MCC: variants seen among roughly 807,000 people sequenced by gnomAD.
MCC encodes MCC regulator of Wnt signaling pathway.
A neutral mutation model predicts 116.2 loss-of-function variants in MCC; 90 were observed. The observed-to-expected ratio is 0.77, with a 90% CI of 0.65 to 0.92. The LOEUF (loss-of-function observed/expected upper bound fraction) is 0.92. MCC is among the 40% of genes least tolerant of loss of function. The pLI is 0.00. For missense variants in MCC, 1,516 were observed against 1,312.2 expected (o/e 1.16, Z -2.40); for synonymous variants, 578 against 510.5 (o/e 1.13, Z -1.78).
intron 1 of MCC, among the ~76,000 whole-genome samples, chr5:113,463,193 A>C (rs2150426521): frequency 6.6e-6 from 1 of 152,236 alleles, no homozygotes; most frequent in Admixed American, 6.5e-5. Flanking sequence ...TAGAGGAGAG[A>C]GGGCAAGATG....
At chr5:113,345,101 AG>A (rs1768101011) in intron 2 of MCC, among the ~76,000 whole-genome samples, 1 of 152,092 alleles carries the variant, frequency 6.6e-6, no homozygotes, top group Non-Finnish European at 1.5e-5. Context: ...TTGCACTTTA[AG>A]GGAACATTGA....
At chr5:113,088,096 A>G (rs1755331617) in intron 8 of MCC, among the ~76,000 whole-genome samples, 1 of 152,220 alleles carries the variant, frequency 6.6e-6, no homozygotes, top group Admixed American at 6.5e-5. Flanking sequence ...AATGTCTTTA[A>G]AAACTAAAGA....
chr5:113,084,639 A>G (rs1431469556), intron 9 of MCC, among the ~76,000 whole-genome samples: 2 of 152,272 alleles, frequency 1.3e-5, no homozygotes, highest in Admixed American at 6.5e-5. Context: ...GCAAGCCAAC[A>G]GGCATAATTT....
intron 8 of MCC, among the ~76,000 whole-genome samples, chr5:113,097,350 CAAT>C (rs1370757603): frequency 1.3e-5 from 2 of 152,160 alleles, no homozygotes; most frequent in African/African-American, 4.8e-5. Flanking sequence ...AAAAATTATA[CAAT>C]GATATGAATA....
At chr5:113,088,334 G>T (rs762849660) in intron 8 of MCC, among the ~76,000 whole-genome samples, 3 of 151,902 alleles carry the variant, frequency 2.0e-5, no homozygotes, top group Non-Finnish European at 4.4e-5. Flanking sequence ...CTTAGGCATG[G>T]CTTCGGAAAG....
At chr5:113,132,866 G>A (rs1460109912) in intron 5 of MCC, among the ~76,000 whole-genome samples, 1 of 152,156 alleles carries the variant, frequency 6.6e-6, no homozygotes, top group Non-Finnish European at 1.5e-5. Flanking sequence ...TTTGCTTGTT[G>A]GCTCAGTGGC....
Position 113,359,962 on chromosome 5 carries a change from G to A in MCC, c.416-19232C>T, listed in dbSNP as rs139874740. Reference sequence around the variant, plus strand: ...GATCAATTTATCTTTCTCTTACAAGGCATATTAATGGAAGCCATGTATTCA... The same window carrying A: ...GATCAATTTATCTTTCTCTTACAAGACATATTAATGGAAGCCATGTATTCA... On this transcript the variant is annotated intron_variant, in intron 2 of 18. Coordinates refer to ENST00000408903, the MANE Select transcript of MCC (RefSeq NM_001085377.2). Among the ~76,000 whole-genome samples the A allele has an allele frequency of 3.0e-3, 449 of 152,188 alleles. 2 individuals are homozygous for A. Among genetic ancestry groups the A allele is most frequent in the African/African-American group, 0.011 (440 of 41,524 alleles).
intron 2 of MCC, among the ~76,000 whole-genome samples, chr5:113,354,310 A>G (rs1768355119): frequency 1.3e-5 from 2 of 152,212 alleles, no homozygotes; most frequent in African/African-American, 4.8e-5. Flanking sequence ...CCAGTCACGT[A>G]ATCTTACTAA....
chr5:113,089,293 A>T (rs967061933), intron 8 of MCC, among the ~76,000 whole-genome samples: 4 of 152,234 alleles, frequency 2.6e-5, no homozygotes, highest in African/African-American at 9.6e-5. Flanking sequence ...TGAAGGCTGA[A>T]CTGTTCAACA....
chr5:113,112,165 C>T (rs932224422), intron 6 of MCC, among the ~76,000 whole-genome samples: 3 of 152,218 alleles, frequency 2.0e-5, no homozygotes, highest in African/African-American at 4.8e-5. Context: ...GGGATCGGTA[C>T]TTGCTTCACA....
At chr5:113,293,904 A>G (rs1203690582) in intron 3 of MCC, among the ~76,000 whole-genome samples, 2 of 152,052 alleles carry the variant, frequency 1.3e-5, no homozygotes, top group Non-Finnish European at 2.9e-5. Context: ...AAATAATCCA[A>G]TGCGTCCCCC....
chr5:113,330,010 G>T lies in MCC; in HGVS notation c.627+10509C>A, dbSNP rs550148531. Reference sequence around the variant, plus strand: ...GCCTGAATTACATAAGGACAGTTGAGTCCTCATGTAATTAATTGCAGTCTA... The same window carrying T: ...GCCTGAATTACATAAGGACAGTTGATTCCTCATGTAATTAATTGCAGTCTA... On this transcript the variant is annotated intron_variant, in intron 3 of 18. Coordinates refer to ENST00000408903, the MANE Select transcript of MCC (RefSeq NM_001085377.2). Among the ~76,000 whole-genome samples the T allele has an allele frequency of 2.0e-4, 31 of 152,330 alleles. No homozygotes were observed. In the South Asian group the frequency reaches 6.4e-3, roughly 32 times the overall value.
intron 14 of MCC, among the ~76,000 whole-genome samples, chr5:113,063,478 T>C (rs1038330456): frequency 3.9e-5 from 6 of 152,158 alleles, no homozygotes; most frequent in Non-Finnish European, 8.8e-5. Flanking sequence ...CATCATTCCA[T>C]GAGGCAAAAG....
rs145424237 is a variant in MCC, at chr5:113,228,801, G to A, written c.628-77379C>T. On this transcript the variant is annotated intron_variant, in intron 3 of 18. Coordinates refer to ENST00000408903, the MANE Select transcript of MCC (RefSeq NM_001085377.2). Reference sequence around the variant, plus strand: ...AAAACAAGAAACACGGAGCAAATAAGCCATCAAAAACAGGTGACACACACG... The same window carrying A: ...AAAACAAGAAACACGGAGCAAATAAACCATCAAAAACAGGTGACACACACG... Among the ~76,000 whole-genome samples, 15 of 152,296 alleles carry A rather than the reference G, an allele frequency of 9.8e-5. No individual in the cohort carries two copies. In the East Asian group the frequency reaches 2.9e-3, roughly 29 times the overall value.
At chr5:113,342,691 T>C (rs990728267) in intron 2 of MCC, among the ~76,000 whole-genome samples, 14 of 152,246 alleles carry the variant, frequency 9.2e-5, no homozygotes, top group Admixed American at 3.3e-4. Flanking sequence ...TGTTTCCTTG[T>C]GTTGTTCACT....
chr5:113,412,989 G>T (rs1213274398), intron 1 of MCC, among the ~76,000 whole-genome samples: 1 of 152,160 alleles, frequency 6.6e-6, no homozygotes. Context: ...AAGAGTTGTT[G>T]AATTTTGTCA....
intron 5 of MCC, among the ~76,000 whole-genome samples, chr5:113,123,053 C>T (rs11955830): frequency 3.9e-5 from 6 of 152,162 alleles, no homozygotes; most frequent in Admixed American, 1.3e-4. Context: ...ATGTACCAAA[C>T]GAGATTCATC....
intron 6 of MCC, among the ~76,000 whole-genome samples, chr5:113,113,220 A>T (rs1182329454): frequency 6.6e-6 from 1 of 152,224 alleles, no homozygotes; most frequent in East Asian, 1.9e-4. Flanking sequence ...TAAAGGCAAG[A>T]TGTTATATCC....
At chr5:113,304,577 A>G (rs1766937221) in intron 3 of MCC, among the ~76,000 whole-genome samples, 1 of 152,200 alleles carries the variant, frequency 6.6e-6, no homozygotes, top group Non-Finnish European at 1.5e-5. Context: ...TGATGCATCA[A>G]ATACCCCTTC....
Sources: allele counts gnomAD v4.1 joint callset (sites outside exome capture counted in the v4.1 genomes callset), GRCh38; gene constraint gnomAD v4.1.1; transcripts MANE v1.5; gene names NCBI Gene and HGNC (gene_info 2026-07-23, HGNC 2026-07-21).